ALCAM: variants seen among roughly 807,000 people sequenced by gnomAD.
The protein encoded by ALCAM is CD166 antigen.
In ALCAM, 30 loss-of-function variants were observed where a neutral mutation model predicts 70.9. That is an observed-to-expected ratio of 0.42 (90% CI 0.32 to 0.57). The LOEUF is 0.57. Among genes scored for constraint, ALCAM ranks in the 20% least tolerant of loss-of-function variants. The pLI, the probability that ALCAM is intolerant of heterozygous loss-of-function variation, is 0.11. For synonymous variants in ALCAM, 249 were observed against 242.5 expected (o/e 1.03, Z -0.25); for missense variants, 591 against 695.1 (o/e 0.85, Z 1.68).
chr3:105,505,103 G>A (rs1418152586), intron 1 of ALCAM, among the ~76,000 whole-genome samples: 1 of 152,174 alleles, frequency 6.6e-6, no homozygotes, highest in East Asian at 1.9e-4. Context: ...TGCTAATTAT[G>A]TTTCATTTCT....
At chr3:105,474,137 A>G (rs535440864) in intron 1 of ALCAM, among the ~76,000 whole-genome samples, 8 of 144,970 alleles carry the variant, frequency 5.5e-5, no homozygotes, top group African/African-American at 2.0e-4. Context: ...AGGTTTTAGC[A>G]ATTACCCAAA....
chr3:105,550,596 A>C (rs1259109961), intron 12 of ALCAM, among the ~76,000 whole-genome samples: 3 of 151,528 alleles, frequency 2.0e-5, no homozygotes, highest in Non-Finnish European at 3.0e-5. Context: ...GATCATCTTA[A>C]AACATTTTTG....
intron 1 of ALCAM, among the ~76,000 whole-genome samples, chr3:105,486,140 A>G (rs900882705): frequency 1.4e-4 from 21 of 152,124 alleles, no homozygotes; most frequent in African/African-American, 5.1e-4. Flanking sequence ...TTTTCAGATG[A>G]AAGCATTGAT....
chr3:105,381,023 C>G (rs1021238212), intron 1 of ALCAM, among the ~76,000 whole-genome samples: 2 of 151,904 alleles, frequency 1.3e-5, no homozygotes, highest in African/African-American at 2.4e-5. Flanking sequence ...TCTCCTTTCT[C>G]CAGTTTCCCA....
chr3:105,449,165 A>C (rs767480751), intron 1 of ALCAM, among the ~76,000 whole-genome samples: 1 of 152,178 alleles, frequency 6.6e-6, no homozygotes, highest in Non-Finnish European at 1.5e-5. Context: ...ATGATTCTAC[A>C]ACTGTATGTT....
chr3:105,476,838 A>T (rs777324611), intron 1 of ALCAM, among the ~76,000 whole-genome samples: 2 of 151,968 alleles, frequency 1.3e-5, no homozygotes, highest in Admixed American at 1.3e-4. Context: ...CTGTGTCCCC[A>T]CCCAAATCTC....
At chr3:105,493,368 A>T (rs1424871475) in intron 1 of ALCAM, among the ~76,000 whole-genome samples, 1 of 152,178 alleles carries the variant, frequency 6.6e-6, no homozygotes, top group Non-Finnish European at 1.5e-5. Flanking sequence ...TCTGGTAAGC[A>T]GAATAATGAT....
intron 1 of ALCAM, among the ~76,000 whole-genome samples, chr3:105,453,552 A>C (rs1937485321): frequency 6.6e-6 from 1 of 152,048 alleles, no homozygotes; most frequent in Non-Finnish European, 1.5e-5. Flanking sequence ...TCTTGGCTAT[A>C]TGGGGTCTTT....
chr3:105,534,860 ATATAAT>A lies in ALCAM; in HGVS notation c.730+19_730+24del. On this transcript the variant is annotated intron_variant, in intron 6 of 15. Coordinates refer to ENST00000306107, the MANE Select transcript of ALCAM (RefSeq NM_001627.4). ...TGATATTTACTGTAAGTAATTCAAT[ATATAAT>A]TATGCTATTTAATGTATTAGAAATA... 6.3e-7 allele frequency: 1 copy of A among 1,588,744 alleles called. No individual in the cohort carries two copies. The highest frequency in any genetic ancestry group is 1.4e-5 in the African/African-American group (1 of 73,926).
chr3:105,417,841 T>A (rs1459479729), intron 1 of ALCAM, among the ~76,000 whole-genome samples: 1 of 151,860 alleles, frequency 6.6e-6, no homozygotes, highest in African/African-American at 2.4e-5. Flanking sequence ...AGAAGATAAT[T>A]TGGTCCCTCT....
intron 1 of ALCAM, among the ~76,000 whole-genome samples, chr3:105,466,315 C>T (rs932148410): frequency 2.6e-5 from 4 of 151,398 alleles, no homozygotes; most frequent in African/African-American, 9.7e-5. Context: ...AGTGTCACTA[C>T]ATGCTTAAGT....
At chr3:105,416,740 T>G (rs1425282545) in intron 1 of ALCAM, among the ~76,000 whole-genome samples, 3 of 152,046 alleles carry the variant, frequency 2.0e-5, no homozygotes, top group Non-Finnish European at 4.4e-5. Flanking sequence ...CCATCATTTC[T>G]TCCTTGAATT....
chr3:105,542,775 G>A (rs1022108242), intron 8 of ALCAM, among the ~76,000 whole-genome samples: 9 of 151,722 alleles, frequency 5.9e-5, no homozygotes, highest in African/African-American at 1.9e-4. Flanking sequence ...AAAGCAACCA[G>A]ATGGTTGCTT....
chr3:105,514,188 A>G (rs571156022), intron 1 of ALCAM, among the ~76,000 whole-genome samples: 4 of 151,928 alleles, frequency 2.6e-5, no homozygotes, highest in Non-Finnish European at 4.4e-5. Flanking sequence ...AGGCCTCTGT[A>G]TTTTACTTAT....
chr3:105,558,852 A>G (rs934632868), intron 14 of ALCAM, among the ~76,000 whole-genome samples: 18 of 152,048 alleles, frequency 1.2e-4, no homozygotes, highest in African/African-American at 4.4e-4. Flanking sequence ...CACCAGCTCT[A>G]CGAGGAAATC....
At chr3:105,370,702 A>G (rs1211075205) in intron 1 of ALCAM, among the ~76,000 whole-genome samples, 1 of 151,732 alleles carries the variant, frequency 6.6e-6, no homozygotes, top group Non-Finnish European at 1.5e-5. Context: ...GATAACATCT[A>G]TGCTTACTCT....
intron 1 of ALCAM, among the ~76,000 whole-genome samples, chr3:105,419,647 T>A (rs973672557): frequency 2.0e-5 from 3 of 151,602 alleles, no homozygotes; most frequent in Non-Finnish European, 4.4e-5. Context: ...AACAGAAAAA[T>A]TTCCCATAGG....
intron 1 of ALCAM, among the ~76,000 whole-genome samples, chr3:105,495,650 G>A (rs1938715652): frequency 6.6e-6 from 1 of 152,100 alleles, no homozygotes; most frequent in Non-Finnish European, 1.5e-5. Context: ...AAAGCACGGT[G>A]GAATAATACA....
intron 1 of ALCAM, among the ~76,000 whole-genome samples, chr3:105,371,596 A>T (rs1192530490): frequency 6.6e-6 from 1 of 151,492 alleles, no homozygotes; most frequent in African/African-American, 2.4e-5. Context: ...ACTTAGTACC[A>T]CCTAAGTTGT....
Sources: allele counts gnomAD v4.1 joint callset (sites outside exome capture counted in the v4.1 genomes callset), GRCh38; gene constraint gnomAD v4.1.1; transcripts MANE v1.5; gene names NCBI Gene and HGNC (gene_info 2026-07-23, HGNC 2026-07-21).